ESCO2: variants seen among roughly 807,000 people sequenced by gnomAD.
ESCO2 encodes the protein N-acetyltransferase ESCO2.
ESCO2 carries 51 observed loss-of-function variants against 61.7 expected under a neutral mutation model. That is an observed-to-expected ratio of 0.83 (90% confidence interval 0.66 to 1.04). The LOEUF is 1.04. Among genes scored for constraint, ESCO2 ranks in the 50% least tolerant of loss-of-function variants. The probability of loss-of-function intolerance (pLI) is 0.00; values close to 1 mark genes in which losing one functional copy is unlikely to be tolerated. For synonymous variants in ESCO2, 230 were observed against 238.2 expected (o/e 0.97, Z 0.32); for missense variants, 692 against 686.2 (o/e 1.01, Z -0.09).
chr8:27,817,069 C>G (rs1805831764), downstream of ESCO2, among the ~76,000 whole-genome samples: 1 of 152,092 alleles, frequency 6.6e-6, no homozygotes, highest in Non-Finnish European at 1.5e-5. Context: ...AATGCCTTCC[C>G]TGAGCATATG....
At chr8:27,778,435 A>G (rs2128951757) in intron 3 of ESCO2, 1 of 152,270 alleles carries the variant, frequency 6.6e-6, no homozygotes, top group African/African-American at 2.4e-5. Flanking sequence ...GTTTATATCA[A>G]CAAAACACTT....
At chr8:27,811,193 C>T (rs746001075), downstream of ESCO2, 28 of 1,504,758 alleles carry the variant, frequency 1.9e-5, no homozygotes, top group Admixed American at 1.7e-4. Flanking sequence ...AGGCAAGCAA[C>T]CCAAAGGGAA....
chr8:27,792,036 G>A lies in ESCO2; in HGVS notation c.1337G>A (p.Ser446Asn). 3 of 1,613,998 alleles carry A rather than the reference G, an allele frequency of 1.9e-6. No homozygotes were observed. The highest frequency in any genetic ancestry group is 1.7e-4 in the Middle Eastern group (1 of 6,060). ...KIVLVLPHDP[S>N]FAIKKVEDVQ... ...GTGTTGGTTCTGCCACATGATCCAAGCTTTGCTATCAAAAAGGTATGGAAC... is the reference window on the plus strand; with the variant it reads ...GTGTTGGTTCTGCCACATGATCCAAACTTTGCTATCAAAAAGGTATGGAAC... Residue 446 changes from serine to asparagine, a missense_variant, in exon 8 of 11, where the codon AGC becomes AAC. Transcript: ENST00000305188.
intron 4 of ESCO2, among the ~76,000 whole-genome samples, chr8:27,783,569 T>G (rs1270400152): frequency 1.3e-5 from 2 of 152,164 alleles, no homozygotes; most frequent in Non-Finnish European, 2.9e-5. Flanking sequence ...TCCCTAATAT[T>G]TTTTCTAGAC....
chr8:27,781,106 A>T (rs1804917476), intron 4 of ESCO2, among the ~76,000 whole-genome samples: 1 of 152,228 alleles, frequency 6.6e-6, no homozygotes, highest in Non-Finnish European at 1.5e-5. Flanking sequence ...TACAAATGGT[A>T]TAAGGATATG....
At chr8:27,808,077 CTTGTT>C (rs1169079334), downstream of ESCO2, 3 of 245,358 alleles carry the variant, frequency 1.2e-5, no homozygotes, top group South Asian at 7.6e-5. Flanking sequence ...AGACGGGAGA[CTTGTT>C]TTGTTTTTCC....
At chr8:27,816,351 ATATATATTTATT>A (rs1217307897), downstream of ESCO2, among the ~76,000 whole-genome samples, 1 of 141,898 alleles carries the variant, frequency 7.0e-6, no homozygotes, top group Non-Finnish European at 1.5e-5. Context: ...TACTATATAT[ATATATATTTATT>A]TATTTATTTA....
intron 9 of ESCO2, among the ~76,000 whole-genome samples, chr8:27,794,206 A>G (rs1357630323): frequency 1.3e-5 from 2 of 152,246 alleles, no homozygotes; most frequent in Non-Finnish European, 2.9e-5. Flanking sequence ...ATGAGAGTAC[A>G]GATTTCTCTT....
At chr8:27,794,232 A>G (rs769733364) in intron 9 of ESCO2, among the ~76,000 whole-genome samples, 2 of 152,250 alleles carry the variant, frequency 1.3e-5, no homozygotes, top group Non-Finnish European at 2.9e-5. Flanking sequence ...TACTGATTTC[A>G]GTTCCTTTGG....
downstream of ESCO2, among the ~76,000 whole-genome samples, chr8:27,815,595 G>A (rs755984430): frequency 6.6e-6 from 1 of 152,154 alleles, no homozygotes; most frequent in Non-Finnish European, 1.5e-5. Context: ...TACTTACACC[G>A]TTCAGTATAT....
chr8:27,810,536 AT>A (rs770302135), downstream of ESCO2: 3 of 1,337,918 alleles, frequency 2.2e-6, no homozygotes, highest in South Asian at 3.6e-5. Flanking sequence ...AATAAACAAA[AT>A]CACTTTATGT....
downstream of ESCO2, among the ~76,000 whole-genome samples, chr8:27,816,231 A>G (rs1805807665): frequency 6.6e-6 from 1 of 151,756 alleles, no homozygotes; most frequent in South Asian, 2.1e-4. Flanking sequence ...ACAGGGTAAG[A>G]CTGTGTCTGT....
At chr8:27,777,260 C>CT in intron 3 of ESCO2, 91 bp downstream of exon 3, 1 of 1,226,672 alleles carries the variant, frequency 8.2e-7, no homozygotes, top group East Asian at 2.5e-5. Flanking sequence ...TTCTGGACTG[C>CT]TTTTATAAAG....
downstream of ESCO2, among the ~76,000 whole-genome samples, chr8:27,816,931 C>T (rs1224069589): frequency 1.3e-5 from 2 of 151,980 alleles, no homozygotes; most frequent in African/African-American, 4.8e-5. Flanking sequence ...CACATTGTTG[C>T]ATAGTCTGTT....
At position 27,779,269 on chromosome 8, in the gene ESCO2, TGTTAAACTGATGG is replaced by T. The variant is rs574867178; in HGVS notation, c.862-900_862-888del. The stretch of plus-strand genomic sequence containing the variant: ...CCCCAACTCATGGAGCCCTGAAAAG[TGTTAAACTGATGG>T]GTTATCCCACCTCTGCTGGGATATT... On this transcript the variant is annotated intron_variant, in intron 3 of 10. Transcript: ENST00000305188. The T allele has an allele frequency of 5.9e-5, 9 of 152,318 alleles. No homozygotes were observed. In the East Asian group the frequency reaches 1.7e-3, roughly 29 times the overall value. 9.4% of individuals were successfully genotyped at this position (152,318 alleles called of 1,614,324 possible). A position where few individuals can be genotyped will look rare whatever the true frequency, so the allele number is the denominator to read the frequency against.
chr8:27,775,085 G>A (rs1391676480), intron 1 of ESCO2, among the ~76,000 whole-genome samples: 1 of 152,218 alleles, frequency 6.6e-6, no homozygotes, highest in Non-Finnish European at 1.5e-5. Flanking sequence ...GCCTGCTCGT[G>A]CATTCTAGCA....
downstream of ESCO2, chr8:27,811,325 C>G (rs1204685196): frequency 4.9e-6 from 3 of 610,764 alleles, no homozygotes; most frequent in African/African-American, 3.7e-5. Flanking sequence ...ATTCAAGAAG[C>G]TGGTCAGTTG....
intron 3 of ESCO2, chr8:27,777,379 A>G (rs1804819288): frequency 2.5e-6 from 1 of 393,338 alleles, no homozygotes; most frequent in Admixed American, 4.5e-5. Flanking sequence ...ACTGCTCACT[A>G]CAGCCTCAAC....
downstream of ESCO2, among the ~76,000 whole-genome samples, chr8:27,805,491 C>T (rs912324936): frequency 2.6e-5 from 4 of 151,892 alleles, no homozygotes; most frequent in African/African-American, 9.7e-5. Context: ...ATACTGTTGT[C>T]TTGGTTGGGT....
Sources: gnomAD v4.1 joint callset for allele counts (sites outside exome capture counted in the v4.1 genomes callset) on GRCh38, gnomAD v4.1.1 for gene constraint, MANE v1.5 for transcripts, NCBI Gene and HGNC (gene_info 2026-07-23, HGNC 2026-07-21) for gene names.